The following PDE3B variants were observed in gnomAD, a reference collection of about 807,000 sequenced individuals.
PDE3B encodes cGMP-inhibited 3',5'-cyclic phosphodiesterase 3B.
Under a neutral mutation model 116.8 loss-of-function variants are expected in PDE3B, and 66 were observed. The observed-to-expected ratio is 0.56, with a 90% CI of 0.46 to 0.69. The LOEUF (loss-of-function observed/expected upper bound fraction) is 0.69. Among genes scored for constraint, PDE3B ranks in the 30% least tolerant of loss-of-function variants. The probability of loss-of-function intolerance (pLI) is 0.00; values close to 1 mark genes in which losing one functional copy is unlikely to be tolerated. For synonymous variants in PDE3B, 595 were observed against 533.6 expected (o/e 1.12, Z -1.59); for missense variants, 1,384 against 1,368.1 (o/e 1.01, Z -0.18).
In PDE3B at chr11:14,830,738, T is replaced by C; in HGVS notation, c.1848T>C (p.Leu616=). 1 of 1,494,462 alleles carries C rather than the reference T, an allele frequency of 6.7e-7. No homozygotes were observed. The highest frequency in any genetic ancestry group is 1.4e-5 in the South Asian group (1 of 71,212). The allele number at this position is 1,494,462 out of a possible 1,614,324, so 92.6% of individuals were successfully genotyped here. The change falls in exon 8 of 16, where the codon CTT becomes CTC. Residue 616 remains leucine (L), a synonymous_variant. Transcript: ENST00000282096. ...TTTTCTCGAAAGAATCATTCAAACT[T>C]ATGGAAACTCAACAAGAAGAGGAAA... ...ENIFSKESFK[L]METQQEEETE...
In PDE3B at chr11:14,644,287, G is replaced by A. The variant is rs759571132; in HGVS notation, c.212G>A (p.Arg71His). ...CCGGCCTCTCCCCAGCAGCCGCGGC[G>A]CTGCTCCCCCTTCTGCCGGGCGCGC... ...PPPASPQQPR[R>H]CSPFCRARLS... Residue 71 changes from arginine to histidine, a missense_variant, in exon 1 of 16, where the codon CGC becomes CAC. Arg to His is a conservative substitution (Grantham distance 29). Transcript: ENST00000282096. 34 of 1,565,242 alleles carry A rather than the reference G, an allele frequency of 2.2e-5. No homozygotes were observed. The highest frequency in any genetic ancestry group is 2.9e-5 in the Non-Finnish European group (34 of 1,162,226).
chr11:14,895,672 G>A, the PDE3B span, among the ~76,000 whole-genome samples: 1 of 152,198 alleles, frequency 6.6e-6, no homozygotes, highest in African/African-American at 2.4e-5. Flanking sequence ...GGAACCTTAT[G>A]AAAGTCTCCC....
At chr11:14,769,598 T>G (rs950631637) in intron 1 of PDE3B, among the ~76,000 whole-genome samples, 4 of 145,834 alleles carry the variant, frequency 2.7e-5, no homozygotes, top group African/African-American at 7.4e-5. Flanking sequence ...AATCCAGGGA[T>G]ATATATATAT....
intron 5 of PDE3B, among the ~76,000 whole-genome samples, chr11:14,812,117 A>T (rs1859155573): frequency 6.6e-6 from 1 of 152,168 alleles, no homozygotes; most frequent in Admixed American, 6.5e-5. Flanking sequence ...AGGAATAGAG[A>T]ATGACTGCTA....
At position 14,743,993 on chromosome 11, in the gene PDE3B, G is replaced by A. The variant is rs181342588; in HGVS notation, c.979-27944G>A. On this transcript the variant is annotated intron_variant, in intron 1 of 15. Coordinates refer to ENST00000282096, the MANE Select transcript of PDE3B (RefSeq NM_000922.4). The stretch of plus-strand genomic sequence containing the variant: ...ATCTCTCTGGGAGCTGCAGACCAGA[G>A]CTGTTGCTATTCGACCATCTTGCCA... Among the ~76,000 whole-genome samples, 358 of 152,302 alleles carry A rather than the reference G, an allele frequency of 2.4e-3. 1 individual carries two copies. Among genetic ancestry groups the A allele is most frequent in the African/African-American group, 8.1e-3 (337 of 41,558 alleles).
chr11:14,881,064 C>T, the PDE3B span, among the ~76,000 whole-genome samples: 1 of 152,006 alleles, frequency 6.6e-6, no homozygotes, highest in African/African-American at 2.4e-5. Context: ...ACTATATTAT[C>T]CAACTTTTAC....
the PDE3B span, among the ~76,000 whole-genome samples, chr11:14,882,165 T>A: frequency 3.9e-5 from 6 of 152,250 alleles, no homozygotes; most frequent in South Asian, 1.2e-3. Flanking sequence ...ACCTACTATG[T>A]TCCAGGCAAT....
chr11:14,721,675 C>T (rs12788363), intron 1 of PDE3B, among the ~76,000 whole-genome samples: 109,181 of 109,666 alleles, frequency 1, 54,358 homozygotes, highest in Middle Eastern at 1. Context: ...ATCGCAAGAA[C>T]AAAAAACCAA....
In PDE3B at chr11:14,843,048, C is replaced by A. The variant is rs538916614; in HGVS notation, c.2321-779C>A. ...TATGTGTCTACTTTAAATATAGTTT[C>A]TTTTTCCTTCTTATACTTTTTAAAG... On this transcript the variant is annotated intron_variant, in intron 11 of 15. Coordinates refer to ENST00000282096, the MANE Select transcript of PDE3B (RefSeq NM_000922.4). Among the ~76,000 whole-genome samples the A allele has an allele frequency of 7.9e-5, 12 of 152,218 alleles. No homozygotes were observed. The East Asian group carries it at 2.3e-3, about 29-fold the overall frequency.
the PDE3B span, chr11:14,887,051 G>A: frequency 6.6e-6 from 1 of 152,268 alleles, no homozygotes; most frequent in Non-Finnish European, 1.5e-5. Flanking sequence ...AGTGACAGTA[G>A]AAGAGTTCTA....
intron 1 of PDE3B, among the ~76,000 whole-genome samples, chr11:14,672,458 G>T (rs889852337): frequency 1.3e-5 from 2 of 152,000 alleles, no homozygotes; most frequent in African/African-American, 4.8e-5. Context: ...TTTTATTAGG[G>T]GTGAAACACA....
chr11:14,891,168 G>C, the PDE3B span: 1 of 985,436 alleles, frequency 1.0e-6, no homozygotes, highest in South Asian at 4.7e-5. Context: ...AGCGGTGGTC[G>C]CCTTTTCCGC....
chr11:14,663,567 G>A (rs1854012368), intron 1 of PDE3B, among the ~76,000 whole-genome samples: 2 of 152,232 alleles, frequency 1.3e-5, no homozygotes, highest in East Asian at 1.9e-4. Context: ...ATAAAAGGAA[G>A]GAGGAAGATC....
chr11:14,774,766 C>A (rs1048073554), intron 2 of PDE3B: 2 of 152,216 alleles, frequency 1.3e-5, no homozygotes, highest in African/African-American at 4.8e-5. Flanking sequence ...CTCTCTTGCT[C>A]ATTTCTCTCG....
intron 5 of PDE3B, among the ~76,000 whole-genome samples, chr11:14,804,793 C>A: frequency 6.6e-6 from 1 of 151,644 alleles, no homozygotes; most frequent in East Asian, 1.9e-4. Context: ...GAATAATGGC[C>A]AAAATGAATG....
At chr11:14,706,079 A>G (rs924895414) in intron 1 of PDE3B, among the ~76,000 whole-genome samples, 3 of 151,618 alleles carry the variant, frequency 2.0e-5, no homozygotes, top group African/African-American at 7.3e-5. Context: ...GAGTAAGTGT[A>G]ATAGCAATAA....
chr11:14,894,014 C>T, the PDE3B span, among the ~76,000 whole-genome samples: 1 of 152,146 alleles, frequency 6.6e-6, no homozygotes, highest in Non-Finnish European at 1.5e-5. Flanking sequence ...TTTCCAATTT[C>T]TCTCCATCTC....
chr11:14,691,269 C>G (rs1855034718), intron 1 of PDE3B, among the ~76,000 whole-genome samples: 1 of 152,072 alleles, frequency 6.6e-6, no homozygotes. Context: ...CTTACAATCA[C>G]ATAATTTATA....
At chr11:14,858,510 TC>T (rs1847889411) in intron 12 of PDE3B, among the ~76,000 whole-genome samples, 1 of 152,168 alleles carries the variant, frequency 6.6e-6, no homozygotes, top group Non-Finnish European at 1.5e-5. Context: ...TCTGTTTTAC[TC>T]CCAGGCCCTG....
Sources: allele counts gnomAD v4.1 joint callset (sites outside exome capture counted in the v4.1 genomes callset), GRCh38; gene constraint gnomAD v4.1.1; transcripts MANE v1.5; gene names NCBI Gene and HGNC (gene_info 2026-07-23, HGNC 2026-07-21).